The following ROS1 variants were observed in gnomAD, a reference collection of about 807,000 sequenced individuals.
ROS1 encodes ROS proto-oncogene 1, receptor tyrosine kinase.
A neutral mutation model predicts 273.5 loss-of-function variants in ROS1; 263 were observed. The ratio of observed to expected loss-of-function variants is 0.96; its 90% CI spans 0.87 to 1.06. The LOEUF is 1.06. Ranked by LOEUF, ROS1 falls within the 50% of genes least tolerant of loss-of-function variation. The pLI, the probability that ROS1 is intolerant of heterozygous loss-of-function variation, is 0.00. For missense variants in ROS1, 2,833 were observed against 2,751.1 expected, an observed-to-expected ratio of 1.03 and a Z score of -0.67; for synonymous variants, 1,008 against 954.1, an observed-to-expected ratio of 1.06 and a Z score of -1.04.
In ROS1 at chr6:117,319,758, C is replaced by T. The variant is rs531870113; in HGVS notation, c.5922+110G>A. The T allele has an allele frequency of 8.1e-5, 76 of 943,704 alleles. No homozygotes were observed. The African/African-American group carries it at 1.2e-3, about 15-fold the overall frequency. The allele number at this position is 943,704 out of a possible 1,614,324, so 58.5% of individuals were successfully genotyped here. A position where few individuals can be genotyped will look rare whatever the true frequency, so the allele number is the denominator to read the frequency against. ...GCTATGGATAGGCTTCGACATTCAACCAGTCCTCTTTTCAACAAAGAGCAC... is the reference window on the plus strand; with the variant it reads ...GCTATGGATAGGCTTCGACATTCAATCAGTCCTCTTTTCAACAAAGAGCAC... On this transcript the variant is annotated intron_variant, in intron 37 of 43. Coordinates refer to ENST00000368507, the MANE Select transcript of ROS1 (RefSeq NM_001378902.1).
At chr6:117,372,983 T>C (rs80293407) in intron 18 of ROS1, among the ~76,000 whole-genome samples, 3 of 152,186 alleles carry the variant, frequency 2.0e-5, no homozygotes, top group African/African-American at 7.2e-5. Context: ...TTTGATAGGG[T>C]GCTGCTTGGT....
At chr6:117,323,650 A>T (rs1287555299) in intron 35 of ROS1, among the ~76,000 whole-genome samples, 1 of 152,172 alleles carries the variant, frequency 6.6e-6, no homozygotes, top group African/African-American at 2.4e-5. Context: ...TGATAACTCT[A>T]AAAGTCCAAT....
At chr6:117,419,598 G>T (rs1289988419) in intron 1 of ROS1, among the ~76,000 whole-genome samples, 1 of 152,148 alleles carries the variant, frequency 6.6e-6, no homozygotes, top group Non-Finnish European at 1.5e-5. Flanking sequence ...ATAGTACTGT[G>T]TTTTCATGAT....
intron 6 of ROS1, among the ~76,000 whole-genome samples, 153 bp downstream of exon 6, chr6:117,404,127 A>G (rs1317384997): frequency 6.6e-6 from 1 of 152,112 alleles, no homozygotes; most frequent in Non-Finnish European, 1.5e-5. Context: ...CGGCTGAGGC[A>G]GGAGAATGGT....
At chr6:117,379,253 A>G in intron 17 of ROS1, 94 bp from the exon 18 acceptor site, 1 of 704,156 alleles carries the variant, frequency 1.4e-6, no homozygotes, top group Non-Finnish European at 2.4e-6. Flanking sequence ...TTTCTCTTTA[A>G]CATCCTCTTT....
intron 43 of ROS1, among the ~76,000 whole-genome samples, chr6:117,291,019 G>A (rs1266184323): frequency 1.3e-5 from 2 of 152,124 alleles, no homozygotes; most frequent in African/African-American, 4.8e-5. Context: ...TGAAAGGTCT[G>A]TTGCACTATT....
chr6:117,339,479 CAG>C (rs1245506064), intron 31 of ROS1, among the ~76,000 whole-genome samples: 8 of 152,278 alleles, frequency 5.3e-5, no homozygotes, highest in Admixed American at 2.6e-4. Flanking sequence ...GCCCACTCCT[CAG>C]AGTTTCAGTA....
chr6:117,387,834 G>A lies in ROS1; in HGVS notation c.1945C>T (p.Pro649Ser), dbSNP rs768882618. 3.7e-5 allele frequency: 59 copies of A among 1,614,144 alleles called. No individual in the cohort carries two copies. Among genetic ancestry groups the A allele is most frequent in the Non-Finnish European group, 4.9e-5 (58 of 1,180,016 alleles). ...TCTGACCAGGGGCCTGGCCTCTTTG[G>A]AGAACTTGCTCTCACAGAAACCTTG... ...KYKVSVRASS[P>S]KRPGPWSEPS... Residue 649 changes from proline to serine, a missense_variant, in exon 14 of 44, where the codon CCA becomes TCA. Coordinates refer to ENST00000368507, the MANE Select transcript of ROS1 (RefSeq NM_001378902.1).
chr6:117,366,428 C>G (rs765846732), intron 18 of ROS1, 138 bp from the exon 19 acceptor site: 7 of 624,632 alleles, frequency 1.1e-5, no homozygotes, highest in Non-Finnish European at 1.4e-5. Context: ...TACTTTCTAA[C>G]GATTATTGTC....
chr6:117,379,129 C>T lies in ROS1; in HGVS notation c.2512G>A (p.Gly838Arg). The change falls in exon 18 of 44, where the codon GGG (glycine) becomes AGG (arginine). Residue 838 changes from glycine to arginine, a missense_variant. Coordinates refer to ENST00000368507, the MANE Select transcript of ROS1 (RefSeq NM_001378902.1). ...VIALTLDLSD[G>R]LLYWLVQDSQ... ...TCTTGAACCAACCAATACAGGAGCC[C>T]ATCACTGAGGTCTAAAGTTAGAGCA... is the stretch of plus-strand genomic sequence containing the variant. 2 of 1,612,760 alleles carry T rather than the reference C, an allele frequency of 1.2e-6. No individual in the cohort carries two copies. The highest frequency in any genetic ancestry group is 1.7e-6 in the Non-Finnish European group (2 of 1,178,898).
rs566944717 is a variant in ROS1 at position 117,373,627 on chromosome 6, C to T, written c.2582+5432G>A. Among the ~76,000 whole-genome samples, 17 of 152,328 alleles carry T rather than the reference C, an allele frequency of 1.1e-4. No individual in the cohort carries two copies. The East Asian group carries it at 1.9e-3, about 17-fold the overall frequency. On this transcript the variant is annotated intron_variant, in intron 18 of 43. Transcript: ENST00000368507. Reference sequence around the variant, plus strand: ...CCCACCCAGAACTCGTGCTGGCCTGCGACCACCACACGTAGCCCTGGTTCC... The same window carrying T: ...CCCACCCAGAACTCGTGCTGGCCTGTGACCACCACACGTAGCCCTGGTTCC...
chr6:117,390,351 T>C (rs1371998962), intron 12 of ROS1, among the ~76,000 whole-genome samples: 2 of 152,050 alleles, frequency 1.3e-5, no homozygotes, highest in African/African-American at 4.8e-5. Flanking sequence ...AGTCCTGAAC[T>C]CCTGGGCTCA....
chr6:117,423,851 G>T (rs1350649665), intron 1 of ROS1, among the ~76,000 whole-genome samples: 1 of 152,082 alleles, frequency 6.6e-6, no homozygotes. Flanking sequence ...GTGAACCATG[G>T]TTACATTCAA....
intron 7 of ROS1, among the ~76,000 whole-genome samples, chr6:117,401,988 G>A (rs890133071): frequency 6.6e-6 from 1 of 151,998 alleles, no homozygotes; most frequent in Admixed American, 6.5e-5. Context: ...TCACCACATG[G>A]CTTCCTACCA....
rs2128581765 is a variant in ROS1, at chr6:117,326,279, A to T, written c.5484T>A (p.Asn1828Lys). 1 of 1,601,976 alleles carries T rather than the reference A, an allele frequency of 6.2e-7. No individual in the cohort carries two copies. Among genetic ancestry groups the T allele is most frequent in the Admixed American group, 1.8e-5 (1 of 56,762 alleles). Residue 1828 changes from asparagine (N) to lysine (K), a missense_variant, in exon 34 of 44, where the codon AAT becomes AAA. Coordinates refer to ENST00000368507, the MANE Select transcript of ROS1 (RefSeq NM_001378902.1). ...GIFQFRVVAANNLGFGEYSGI... is the reference protein window; with the variant it reads ...GIFQFRVVAAKNLGFGEYSGI... ...CACTATATTCACCAAACCCTAGATT[A>T]TTTGCAGCTACTACTCTGAACTGAA...
At chr6:117,408,679 A>G (rs1191866311) in intron 5 of ROS1, among the ~76,000 whole-genome samples, 1 of 152,230 alleles carries the variant, frequency 6.6e-6, no homozygotes, top group Non-Finnish European at 1.5e-5. Context: ...ATCTAGAACT[A>G]GAAATATCAT....
rs1270487763 is a variant in ROS1 at position 117,389,833 on chromosome 6, G to C, written c.1303C>G (p.Leu435Val). Residue 435 changes from leucine (L) to valine (V), a missense_variant, in exon 13 of 44, where the codon CTC becomes GTC. Physicochemically the swap from Leu to Val is conservative, Grantham distance 32. Coordinates refer to ENST00000368507, the MANE Select transcript of ROS1 (RefSeq NM_001378902.1). ...GCTCTATAAATGCCATCTCTCAGGA[G>C]GTAAAAGACATACCTGACACAGGAA... ...ADSYNGYVFY[L>V]LRDGIYRADL... 2 of 1,604,964 alleles carry C rather than the reference G, an allele frequency of 1.2e-6. No individual in the cohort carries two copies. Among genetic ancestry groups the C allele is most frequent in the Non-Finnish European group, 1.7e-6 (2 of 1,172,862 alleles).
intron 41 of ROS1, 32 bp from the exon 42 acceptor site, chr6:117,308,960 A>T (rs1430355720): frequency 6.2e-7 from 1 of 1,600,804 alleles, no homozygotes; most frequent in South Asian, 1.1e-5. Context: ...CTTTAATTAT[A>T]CTTATTACAA....
At chr6:117,397,665 C>A (rs1268276138) in intron 7 of ROS1, among the ~76,000 whole-genome samples, 1 of 152,236 alleles carries the variant, frequency 6.6e-6, no homozygotes, top group Non-Finnish European at 1.5e-5. Flanking sequence ...CTTACCCCAG[C>A]TCTCAGGTCC....
Sources: gnomAD v4.1 joint callset for allele counts (sites outside exome capture counted in the v4.1 genomes callset) on GRCh38, gnomAD v4.1.1 for gene constraint, MANE v1.5 for transcripts, NCBI Gene and HGNC (gene_info 2026-07-23, HGNC 2026-07-21) for gene names.